CADM1: variants seen among roughly 807,000 people sequenced by gnomAD.
The protein encoded by CADM1 is cell adhesion molecule 1, also known as TSLC-1.
A neutral mutation model predicts 53.1 loss-of-function variants in CADM1; 15 were observed. The observed-to-expected ratio is 0.28, with a 90% CI of 0.19 to 0.44. CADM1 has a LOEUF of 0.44. Ranked by LOEUF, CADM1 falls within the 20% of genes least tolerant of loss-of-function variation. The pLI is 1.00. For missense variants in CADM1, 434 were observed against 611.3 expected, an observed-to-expected ratio of 0.71 and a Z score of 3.06; for synonymous variants, 281 against 243.0, an observed-to-expected ratio of 1.16 and a Z score of -1.45.
chr11:115,342,714 C>T (rs1008359240), intron 1 of CADM1, among the ~76,000 whole-genome samples: 12 of 152,072 alleles, frequency 7.9e-5, no homozygotes, highest in Non-Finnish European at 1.3e-4. Context: ...AGTACTTTGT[C>T]CCTTTTCAAA....
chr11:115,181,658 T>G (rs59585219), intron 10 of CADM1, among the ~76,000 whole-genome samples: 1 of 152,200 alleles, frequency 6.6e-6, no homozygotes, highest in Non-Finnish European at 1.5e-5. Context: ...TGGGAGGTGT[T>G]AATAGAGTTG....
chr11:115,224,168 T>A (rs962120891), intron 5 of CADM1, among the ~76,000 whole-genome samples: 1 of 152,108 alleles, frequency 6.6e-6, no homozygotes, highest in Non-Finnish European at 1.5e-5. Flanking sequence ...TTCCAGGTTT[T>A]CCTCTCTCCT....
At chr11:115,387,696 A>T (rs1489350458) in intron 1 of CADM1, among the ~76,000 whole-genome samples, 1 of 152,152 alleles carries the variant, frequency 6.6e-6, no homozygotes, top group Admixed American at 6.5e-5. Flanking sequence ...TAGAATGGAG[A>T]TAAGCATTCT....
intron 1 of CADM1, among the ~76,000 whole-genome samples, chr11:115,306,072 C>CTACACACACACACACACA (rs1555060496): frequency 2.3e-5 from 3 of 130,390 alleles, no homozygotes; most frequent in African/African-American, 5.8e-5. Context: ...AGGATATATA[C>CTACACACACACACACACA]CACACACACA....
At chr11:115,336,523 A>G (rs1945271658) in intron 1 of CADM1, among the ~76,000 whole-genome samples, 1 of 152,156 alleles carries the variant, frequency 6.6e-6, no homozygotes, top group Non-Finnish European at 1.5e-5. Flanking sequence ...TTACTAAAAC[A>G]CTTGGTTAAT....
At chr11:115,367,769 G>GA (rs577233146) in intron 1 of CADM1, among the ~76,000 whole-genome samples, 16 of 148,156 alleles carry the variant, frequency 1.1e-4, no homozygotes, top group Middle Eastern at 3.5e-3. Context: ...GAATTTCTTA[G>GA]AAAAAAAAAC....
At position 115,174,974 on chromosome 11, in the gene CADM1, T is replaced by C. The variant is rs887523125; in HGVS notation, c.*1500A>G. ...TTCCCGAGGCTCCCCATCTAAGATA[T>C]GTTCAAGGTCACTGATTTTAGTAGC... On this transcript the variant is annotated 3_prime_UTR_variant, in exon 12 of 12. Coordinates refer to ENST00000331581, the MANE Select transcript of CADM1 (RefSeq NM_001301043.2). 9.1e-6 allele frequency: 9 copies of C among 985,718 alleles called. No individual in the cohort carries two copies. The highest frequency in any genetic ancestry group is 3.5e-5 in the African/African-American group (2 of 57,210). The allele number at this position is 985,718 out of a possible 1,614,324, so 61.1% of individuals were successfully genotyped here. A position where few individuals can be genotyped will look rare whatever the true frequency, so the allele number is the denominator to read the frequency against.
At chr11:115,475,492 G>A (rs746097289) in intron 1 of CADM1, among the ~76,000 whole-genome samples, 19 of 152,068 alleles carry the variant, frequency 1.2e-4, no homozygotes, top group Non-Finnish European at 2.4e-4. Context: ...CACATTACTC[G>A]TATCGCCAAA....
At chr11:115,207,080 T>C (rs774416516) in intron 8 of CADM1, among the ~76,000 whole-genome samples, 1 of 152,066 alleles carries the variant, frequency 6.6e-6, no homozygotes, top group Non-Finnish European at 1.5e-5. Flanking sequence ...AAGATAAATA[T>C]ATATAAGACT....
At chr11:115,380,919 T>C (rs1946559185) in intron 1 of CADM1, among the ~76,000 whole-genome samples, 1 of 152,194 alleles carries the variant, frequency 6.6e-6, no homozygotes, top group Admixed American at 6.5e-5. Flanking sequence ...GTCTAAACTC[T>C]TAATTAGCAA....
chr11:115,301,039 T>C (rs1944207440), intron 1 of CADM1, among the ~76,000 whole-genome samples: 1 of 152,044 alleles, frequency 6.6e-6, no homozygotes, highest in Non-Finnish European at 1.5e-5. Context: ...CAGTTTCTCT[T>C]GTACTTCAGG....
intron 1 of CADM1, among the ~76,000 whole-genome samples, chr11:115,318,123 T>TA (rs1245607643): frequency 6.6e-6 from 1 of 152,060 alleles, no homozygotes; most frequent in Non-Finnish European, 1.5e-5. Flanking sequence ...TCTAGCAAAG[T>TA]AAAAATAATG....
intron 1 of CADM1, among the ~76,000 whole-genome samples, chr11:115,477,003 G>A (rs968841833): frequency 1.3e-5 from 2 of 152,030 alleles, no homozygotes; most frequent in Non-Finnish European, 2.9e-5. Flanking sequence ...GCCACATCCA[G>A]CATTTCTTTA....
At chr11:115,440,539 T>C (rs1390327688) in intron 1 of CADM1, among the ~76,000 whole-genome samples, 1 of 152,224 alleles carries the variant, frequency 6.6e-6, no homozygotes, top group Non-Finnish European at 1.5e-5. Flanking sequence ...TAAGATGCTT[T>C]ACTACTTCAG....
rs143358667 is a variant in CADM1 at position 115,248,971 on chromosome 11, G to A, written c.125-8551C>T. 8.7e-4 allele frequency among the ~76,000 whole-genome samples: 133 copies of A among 152,322 alleles called. 2 individuals are homozygous for A. The East Asian group carries it at 0.023, about 26-fold the overall frequency. ...CAATAACTGCAGCCATCCAACAAAC[G>A]TGGACTTTGGAGAAGAACAATCTGA... is the stretch of plus-strand genomic sequence containing the variant. On this transcript the variant is annotated intron_variant, in intron 1 of 11. Coordinates refer to ENST00000331581, the MANE Select transcript of CADM1 (RefSeq NM_001301043.2).
At chr11:115,302,788 G>A (rs1296896693) in intron 1 of CADM1, among the ~76,000 whole-genome samples, 1 of 152,016 alleles carries the variant, frequency 6.6e-6, no homozygotes, top group Non-Finnish European at 1.5e-5. Flanking sequence ...TGGAGTGATA[G>A]ACAAAGGGTG....
intron 1 of CADM1, among the ~76,000 whole-genome samples, chr11:115,374,864 C>G (rs1284059952): frequency 7.8e-6 from 1 of 127,658 alleles, no homozygotes; most frequent in Non-Finnish European, 1.8e-5. Flanking sequence ...ACTTGGCGTG[C>G]TAATCAAGTA....
At chr11:115,436,975 G>T (rs1211900250) in intron 1 of CADM1, among the ~76,000 whole-genome samples, 1 of 152,176 alleles carries the variant, frequency 6.6e-6, no homozygotes, top group Non-Finnish European at 1.5e-5. Flanking sequence ...TCTGTGAAAA[G>T]CATTGGCAAT....
intron 1 of CADM1, among the ~76,000 whole-genome samples, chr11:115,501,422 G>A (rs1949723820): frequency 6.6e-6 from 1 of 152,056 alleles, no homozygotes; most frequent in South Asian, 2.1e-4. Flanking sequence ...CCATCCACCA[G>A]CCATCTTCTC....
Sources: allele counts gnomAD v4.1 joint callset (sites outside exome capture counted in the v4.1 genomes callset), GRCh38; gene constraint gnomAD v4.1.1; transcripts MANE v1.5; gene names NCBI Gene and HGNC (gene_info 2026-07-23, HGNC 2026-07-21).